Variants in MKLN1 observed in about 807,000 individuals in gnomAD.
MKLN1 encodes muskelin.
In MKLN1, 18 loss-of-function variants were observed where a neutral mutation model predicts 99.0. The ratio of observed to expected loss-of-function variants is 0.18; its 90% confidence interval spans 0.13 to 0.27. The LOEUF (loss-of-function observed/expected upper bound fraction) is 0.27. MKLN1 is among the 10% of genes least tolerant of loss of function. MKLN1 has a pLI of 1.00. For missense variants in MKLN1, 621 were observed against 875.9 expected (o/e 0.71, Z 3.67); for synonymous variants, 288 against 293.2 (o/e 0.98, Z 0.18).
At chr7:131,383,752 T>C (rs1035764267) in intron 2 of MKLN1, among the ~76,000 whole-genome samples, 1 of 152,198 alleles carries the variant, frequency 6.6e-6, no homozygotes, top group African/African-American at 2.4e-5. Flanking sequence ...CTTTTTCCCC[T>C]GCATCCAATC....
chr7:131,275,737 C>T (rs1797962468), intron 3 of MKLN1, among the ~76,000 whole-genome samples: 1 of 151,052 alleles, frequency 6.6e-6, no homozygotes, highest in African/African-American at 2.4e-5. Context: ...TGCCCATCAC[C>T]TTGTATTGGT....
chr7:131,206,614 G>A (rs1484937249), intron 3 of MKLN1, among the ~76,000 whole-genome samples: 1 of 151,266 alleles, frequency 6.6e-6, no homozygotes, highest in Non-Finnish European at 1.5e-5. Flanking sequence ...GGAGTGCAGT[G>A]TCAAAATCAT....
chr7:131,408,509 ATAATC>A (rs1794776246), intron 6 of MKLN1, among the ~76,000 whole-genome samples: 2 of 152,228 alleles, frequency 1.3e-5, no homozygotes, highest in Non-Finnish European at 2.9e-5. Flanking sequence ...CAGCAGTACT[ATAATC>A]TATGTGGATT....
At chr7:131,173,522 G>A (rs538007072) in intron 2 of MKLN1, among the ~76,000 whole-genome samples, 109 of 152,224 alleles carry the variant, frequency 7.2e-4, no homozygotes, top group Middle Eastern at 6.8e-3. Flanking sequence ...AGTTTGAGAC[G>A]AGCTTGGCCA....
intron 3 of MKLN1, among the ~76,000 whole-genome samples, chr7:131,299,255 G>T (rs1169525114): frequency 6.6e-6 from 1 of 151,950 alleles, no homozygotes; most frequent in Non-Finnish European, 1.5e-5. Context: ...TTCAATTCAG[G>T]GTGTATACAC....
At chr7:131,237,559 C>T (rs1445276593) in intron 3 of MKLN1, among the ~76,000 whole-genome samples, 1 of 152,174 alleles carries the variant, frequency 6.6e-6, no homozygotes, top group Non-Finnish European at 1.5e-5. Flanking sequence ...GATATGGCCA[C>T]CTCAGAGACA....
chr7:131,352,692 A>G (rs1004769555), intron 1 of MKLN1, among the ~76,000 whole-genome samples: 3 of 152,058 alleles, frequency 2.0e-5, no homozygotes, highest in Admixed American at 1.3e-4. Flanking sequence ...TTGCCGTTAG[A>G]CTGTTTTCTA....
chr7:131,387,630 T>C (rs1411922924), intron 3 of MKLN1, among the ~76,000 whole-genome samples: 1 of 152,196 alleles, frequency 6.6e-6, no homozygotes, highest in Non-Finnish European at 1.5e-5. Flanking sequence ...CTAAGATTAA[T>C]TGCCCTAATC....
In MKLN1 at chr7:131,126,562, T is replaced by A. The variant is rs118059129; in HGVS notation, c.-418-16258T>A. On this transcript the variant is annotated intron_variant, in intron 1 of 7. Coordinates refer to the MKLN1 transcript ENST00000416992. ...TGGTGGTGCATCCTACCATATATAT[T>A]TTTTTTTCCTGATGGAGTTTCACTC... Among the ~76,000 whole-genome samples, 977 of 152,012 alleles carry A rather than the reference T, an allele frequency of 6.4e-3. 58 individuals are homozygous for A. In the East Asian group the frequency reaches 0.14, roughly 22 times the overall value.
In MKLN1 at chr7:131,205,892, C is replaced by CTT. The variant is rs35341245; in HGVS notation, c.-179+2934_-179+2935dup. ...CTCTTCTGCTTCCAGCTGAGAAAAACTTTTTTTTTTTTTTTTTCTGAAACA... is the reference window on the plus strand; with the variant it reads ...CTCTTCTGCTTCCAGCTGAGAAAAACTTTTTTTTTTTTTTTTTTTCTGAAACA... On this transcript the variant is annotated intron_variant, in intron 3 of 7. Coordinates refer to the MKLN1 transcript ENST00000416992. Among the ~76,000 whole-genome samples the CTT allele has an allele frequency of 2.4e-3, 330 of 137,518 alleles. 1 individual carries two copies. The highest frequency in any genetic ancestry group is 6.8e-3 in the African/African-American group (248 of 36,686). 90.2% of individuals were successfully genotyped at this position (137,518 alleles called of 152,430 possible). A position where few individuals can be genotyped will look rare whatever the true frequency, so the allele number is the denominator to read the frequency against.
intron 1 of MKLN1, among the ~76,000 whole-genome samples, chr7:131,141,211 T>G (rs1795727700): frequency 6.6e-6 from 1 of 152,220 alleles, no homozygotes; most frequent in South Asian, 2.1e-4. Context: ...TATAGATGAC[T>G]CCTAAATGGA....
At chr7:131,434,562 GTTTA>G in intron 9 of MKLN1, among the ~76,000 whole-genome samples, 1 of 150,400 alleles carries the variant, frequency 6.6e-6, no homozygotes, top group East Asian at 1.9e-4. Context: ...TTTATTTTTT[GTTTA>G]TTTGTTTGAG....
chr7:131,228,958 C>G (rs1332760861), intron 3 of MKLN1, among the ~76,000 whole-genome samples: 3 of 152,064 alleles, frequency 2.0e-5, no homozygotes, highest in African/African-American at 7.2e-5. Flanking sequence ...AAAACAAAAA[C>G]CCAAGAATTA....
chr7:131,272,305 T>C (rs533013088), intron 3 of MKLN1, among the ~76,000 whole-genome samples: 1 of 152,248 alleles, frequency 6.6e-6, no homozygotes, highest in African/African-American at 2.4e-5. Context: ...CCAAGGCATA[T>C]CAGGCAAAGC....
intron 9 of MKLN1, among the ~76,000 whole-genome samples, chr7:131,431,728 A>T (rs1563344971): frequency 6.6e-6 from 1 of 152,172 alleles, no homozygotes; most frequent in African/African-American, 2.4e-5. Context: ...ATAATAAAAC[A>T]ATTTATTTAT....
chr7:131,121,325 CA>C (rs1795365480), intron 1 of MKLN1, among the ~76,000 whole-genome samples: 1 of 152,116 alleles, frequency 6.6e-6, no homozygotes, highest in African/African-American at 2.4e-5. Flanking sequence ...GATACAGAGC[CA>C]AACCATGTCA....
intron 3 of MKLN1, among the ~76,000 whole-genome samples, chr7:131,261,299 CA>C (rs757651367): frequency 7.2e-5 from 11 of 151,912 alleles, no homozygotes; most frequent in Non-Finnish European, 1.5e-4. Flanking sequence ...AATTAACAAG[CA>C]AAAAACAACC....
chr7:131,336,743 T>A (rs557959872), intron 1 of MKLN1, among the ~76,000 whole-genome samples: 2 of 152,248 alleles, frequency 1.3e-5, no homozygotes, highest in African/African-American at 4.8e-5. Flanking sequence ...CTCTCCTGCT[T>A]TTATGTTGTC....
At chr7:131,152,164 A>C (rs937715582) in intron 2 of MKLN1, among the ~76,000 whole-genome samples, 2 of 152,112 alleles carry the variant, frequency 1.3e-5, no homozygotes, top group African/African-American at 4.8e-5. Context: ...CTCTACAAAA[A>C]ATTAAAAAAT....
Sources: gnomAD v4.1 joint callset for allele counts (sites outside exome capture counted in the v4.1 genomes callset) on GRCh38, gnomAD v4.1.1 for gene constraint, MANE v1.5 for transcripts, NCBI Gene and HGNC (gene_info 2026-07-23, HGNC 2026-07-21) for gene names.